The following DNAJC13 variants were observed in gnomAD, a reference collection of about 807,000 sequenced individuals.
DNAJC13 encodes DnaJ heat shock protein family (Hsp40) member C13.
DNAJC13 carries 75 observed loss-of-function variants against 290.5 expected under a neutral mutation model. The observed-to-expected ratio is 0.26, with a 90% CI of 0.21 to 0.31. The LOEUF (loss-of-function observed/expected upper bound fraction) is 0.31, where lower values mean the gene tolerates loss of function less well. Among genes scored for constraint, DNAJC13 ranks in the 10% least tolerant of loss-of-function variants. The probability of loss-of-function intolerance (pLI) is 1.00; values close to 1 mark genes in which losing one functional copy is unlikely to be tolerated. For synonymous variants in DNAJC13, 862 were observed against 892.0 expected, an observed-to-expected ratio of 0.97 and a Z score of 0.60; for missense variants, 2,260 against 2,674.5, an observed-to-expected ratio of 0.85 and a Z score of 3.42.
intron 39 of DNAJC13, 79 bp from the exon 40 acceptor site, chr3:132,502,210 C>T: frequency 3.8e-6 from 5 of 1,320,650 alleles, no homozygotes; most frequent in Non-Finnish European, 5.1e-6. Context: ...GACATACATG[C>T]ACAACCAGTT....
At chr3:132,428,898 C>G (rs995954648) in intron 1 of DNAJC13, among the ~76,000 whole-genome samples, 2 of 150,476 alleles carry the variant, frequency 1.3e-5, no homozygotes, top group Middle Eastern at 3.4e-3. Flanking sequence ...CCACGCCTGG[C>G]TAATTTTTGT....
chr3:132,536,194 C>T (rs1308363048), intron 55 of DNAJC13, among the ~76,000 whole-genome samples: 1 of 152,148 alleles, frequency 6.6e-6, no homozygotes, highest in Non-Finnish European at 1.5e-5. Context: ...CAGCAGATGG[C>T]GCTGTGTTTC....
At chr3:132,486,859 G>A (rs1934894923) in intron 29 of DNAJC13, among the ~76,000 whole-genome samples, 1 of 152,082 alleles carries the variant, frequency 6.6e-6, no homozygotes, top group Non-Finnish European at 1.5e-5. Flanking sequence ...TTCTAGTATA[G>A]TGATAGTTTG....
At chr3:132,497,486 T>C (rs920661490) in intron 36 of DNAJC13, among the ~76,000 whole-genome samples, 3 of 152,192 alleles carry the variant, frequency 2.0e-5, no homozygotes, top group Non-Finnish European at 4.4e-5. Context: ...AGACAAGAGA[T>C]GGTGTTGCAG....
At chr3:132,497,054 G>C (rs1473998831) in intron 36 of DNAJC13, among the ~76,000 whole-genome samples, 1 of 152,108 alleles carries the variant, frequency 6.6e-6, no homozygotes, top group African/African-American at 2.4e-5. Flanking sequence ...AGCCTCTGAA[G>C]GTTAAAAACA....
intron 24 of DNAJC13, among the ~76,000 whole-genome samples, chr3:132,478,992 T>C (rs560039967): frequency 6.6e-6 from 1 of 152,372 alleles, no homozygotes; most frequent in South Asian, 2.1e-4. Context: ...TATATTAATC[T>C]GATGACTTTA....
At chr3:132,489,442 C>T (rs1043457816) in intron 31 of DNAJC13, among the ~76,000 whole-genome samples, 5 of 151,402 alleles carry the variant, frequency 3.3e-5, no homozygotes, top group African/African-American at 1.2e-4. Flanking sequence ...TGAAGCTGCT[C>T]CATGTTTCAT....
intron 6 of DNAJC13, among the ~76,000 whole-genome samples, chr3:132,452,385 C>G (rs117328653): frequency 1.3e-5 from 2 of 152,140 alleles, no homozygotes; most frequent in Non-Finnish European, 2.9e-5. Context: ...TCTATGGTGA[C>G]TATAAAAAGC....
intron 20 of DNAJC13, chr3:132,472,490 T>A: frequency 4.7e-6 from 4 of 859,934 alleles, no homozygotes; most frequent in Non-Finnish European, 5.6e-6. Context: ...AGATATAATT[T>A]AGCAGATCTA....
At position 132,499,306 on chromosome 3, in the gene DNAJC13, T is replaced by A. The variant is rs1201244941; in HGVS notation, c.4337T>A (p.Leu1446Gln). 1 of 1,602,530 alleles carries A rather than the reference T, an allele frequency of 6.2e-7. No individual in the cohort carries two copies. The highest frequency in any genetic ancestry group is 8.5e-7 in the Non-Finnish European group (1 of 1,172,834). Residue 1446 changes from leucine (L) to glutamine (Q), a missense_variant, in exon 37 of 56, where the codon CTA (leucine) becomes CAA (glutamine). By Grantham distance (113) the Leu-to-Gln change is moderately radical. This residue lies in a region of DNAJC13 where 1,494 missense variants were observed against 1,693.7 expected (regional missense o/e 0.88). Transcript: ENST00000260818. The stretch of plus-strand genomic sequence containing the variant: ...GAAGAGCTCAGAAGAGAGAATGGAC[T>A]AGAGGTAATACGGAGTGACCTTTGT... ...NAEELRRENG[L>Q]EVLQEAFSRC...
intron 15 of DNAJC13, 87 bp from the exon 16 acceptor site, chr3:132,462,380 T>G: frequency 7.8e-7 from 1 of 1,286,498 alleles, no homozygotes; most frequent in Non-Finnish European, 1.1e-6. Flanking sequence ...TGTGTAAAAA[T>G]GTATACCCTT....
At chr3:132,532,642 A>G (rs1429630310) in intron 55 of DNAJC13, among the ~76,000 whole-genome samples, 3 of 152,076 alleles carry the variant, frequency 2.0e-5, no homozygotes, top group Non-Finnish European at 2.9e-5. Flanking sequence ...TCTTTAGCCT[A>G]TGTCCAAAAG....
chr3:132,424,961 C>T (rs1264805300), intron 1 of DNAJC13, among the ~76,000 whole-genome samples: 2 of 151,966 alleles, frequency 1.3e-5, no homozygotes, highest in African/African-American at 2.4e-5. Flanking sequence ...TGGCAGTTTC[C>T]CCCATACACA....
chr3:132,424,510 T>C (rs1939041486), intron 1 of DNAJC13, among the ~76,000 whole-genome samples: 1 of 152,156 alleles, frequency 6.6e-6, no homozygotes, highest in South Asian at 2.1e-4. Flanking sequence ...ATTTCATTAA[T>C]ATATACTCAG....
At chr3:132,419,836 C>T (rs975512804) in intron 1 of DNAJC13, among the ~76,000 whole-genome samples, 1 of 152,186 alleles carries the variant, frequency 6.6e-6, no homozygotes, top group African/African-American at 2.4e-5. Flanking sequence ...GTCAGTGTTT[C>T]TCAACTTTAT....
chr3:132,506,949 G>A (rs1425846716), intron 42 of DNAJC13, among the ~76,000 whole-genome samples: 10 of 152,138 alleles, frequency 6.6e-5, no homozygotes, highest in Admixed American at 6.5e-4. Flanking sequence ...TGATTGAGAA[G>A]AATAAAGCGT....
At chr3:132,463,649 T>A (rs769122232) in intron 16 of DNAJC13, 47 bp from the exon 17 acceptor site, 2 of 1,553,432 alleles carry the variant, frequency 1.3e-6, no homozygotes, top group Non-Finnish European at 1.7e-6. Context: ...TTTGGATAGC[T>A]TGTCCTGGAT....
At chr3:132,429,232 G>A (rs969631261) in intron 1 of DNAJC13, among the ~76,000 whole-genome samples, 3 of 151,964 alleles carry the variant, frequency 2.0e-5, no homozygotes, top group South Asian at 2.1e-4. Flanking sequence ...GATAATAACC[G>A]AAACTAGTTC....
chr3:132,431,826 A>T lies in DNAJC13; in HGVS notation c.-13-2712A>T, dbSNP rs1310685000. 2.0e-5 allele frequency among the ~76,000 whole-genome samples: 3 copies of T among 152,206 alleles called. No individual in the cohort carries two copies. The East Asian group carries it at 5.8e-4, about 29-fold the overall frequency. ...AGTATGGACCAGCATAAGCAAACCC[A>T]CAGTGACAAAGTAGATTAGTGGCTG... On this transcript the variant is annotated intron_variant, in intron 1 of 55. Coordinates refer to ENST00000260818, the MANE Select transcript of DNAJC13 (RefSeq NM_015268.4).
Sources: gnomAD v4.1 joint callset for allele counts (sites outside exome capture counted in the v4.1 genomes callset) on GRCh38, gnomAD v4.1.1 for gene constraint, gnomAD v4.1.1 regional missense constraint, MANE v1.5 for transcripts, NCBI Gene and HGNC (gene_info 2026-07-23, HGNC 2026-07-21) for gene names.